The following CTNNA3 variants were observed in gnomAD, a reference collection of about 807,000 sequenced individuals.
The protein encoded by CTNNA3 is catenin alpha-3.
In CTNNA3, 76 loss-of-function variants were observed where a neutral mutation model predicts 95.7. The observed-to-expected ratio is 0.79, with a 90% confidence interval of 0.66 to 0.96. CTNNA3 has a LOEUF of 0.96. CTNNA3 is among the 40% of genes least tolerant of loss of function. CTNNA3 has a pLI of 0.00. For synonymous variants in CTNNA3, 431 were observed against 374.4 expected, an observed-to-expected ratio of 1.15 and a Z score of -1.74; for missense variants, 1,191 against 1,089.8, an observed-to-expected ratio of 1.09 and a Z score of -1.31.
intron 9 of CTNNA3, among the ~76,000 whole-genome samples, chr10:66,635,628 A>G (rs1390024391): frequency 6.6e-6 from 1 of 152,158 alleles, no homozygotes; most frequent in African/African-American, 2.4e-5. Flanking sequence ...AAGGTGTTGC[A>G]TAGGACAAAG....
intron 5 of CTNNA3, among the ~76,000 whole-genome samples, chr10:67,485,942 C>G (rs905367945): frequency 1.1e-4 from 17 of 152,132 alleles, no homozygotes; most frequent in Non-Finnish European, 1.9e-4. Context: ...CATATTTTCC[C>G]TACAGGGATA....
chr10:66,268,839 T>C (rs1414338120), intron 13 of CTNNA3, among the ~76,000 whole-genome samples: 1 of 152,194 alleles, frequency 6.6e-6, no homozygotes, highest in Non-Finnish European at 1.5e-5. Flanking sequence ...CTCTCTCCCA[T>C]TTCTGCAGTG....
chr10:67,526,687 G>A (rs1455335604), intron 4 of CTNNA3, among the ~76,000 whole-genome samples: 1 of 152,122 alleles, frequency 6.6e-6, no homozygotes, highest in African/African-American at 2.4e-5. Flanking sequence ...GTAAGAAACA[G>A]AGGAAAACAA....
intron 7 of CTNNA3, among the ~76,000 whole-genome samples, chr10:67,132,029 T>C (rs916526568): frequency 3.9e-5 from 6 of 152,118 alleles, no homozygotes; most frequent in Admixed American, 3.3e-4. Context: ...TAGGATGGTA[T>C]TTGCAGTATT....
chr10:67,605,741 T>C (rs997743997), intron 3 of CTNNA3, among the ~76,000 whole-genome samples: 2 of 151,794 alleles, frequency 1.3e-5, no homozygotes, highest in African/African-American at 4.8e-5. Flanking sequence ...TACAATGGTG[T>C]GATCTCGGCT....
intron 1 of CTNNA3, among the ~76,000 whole-genome samples, chr10:67,657,847 CAAAAAAAAAAA>C (rs200763142): frequency 1.5e-4 from 6 of 40,420 alleles, no homozygotes; most frequent in East Asian, 8.4e-4. Context: ...AATTCCATCT[CAAAAAAAAAAA>C]AAAAAAAAAA....
At chr10:66,660,577 G>C (rs1019841515) in intron 9 of CTNNA3, among the ~76,000 whole-genome samples, 2 of 152,162 alleles carry the variant, frequency 1.3e-5, no homozygotes, top group African/African-American at 4.8e-5. Context: ...TGATAAGAAA[G>C]TATGAATGCA....
chr10:67,506,508 C>G (rs1421584009), intron 5 of CTNNA3, among the ~76,000 whole-genome samples: 2 of 152,138 alleles, frequency 1.3e-5, no homozygotes, highest in African/African-American at 4.8e-5. Flanking sequence ...GTAATCAGCC[C>G]CTAACAAACA....
intron 7 of CTNNA3, among the ~76,000 whole-genome samples, chr10:67,168,596 A>C (rs1433210519): frequency 3.3e-5 from 5 of 152,216 alleles, no homozygotes; most frequent in Non-Finnish European, 7.3e-5. Flanking sequence ...TCATGTTAAA[A>C]ACTTCTAATA....
intron 3 of CTNNA3, among the ~76,000 whole-genome samples, chr10:67,567,721 T>C (rs1001044301): frequency 2.0e-5 from 3 of 152,072 alleles, no homozygotes; most frequent in Non-Finnish European, 4.4e-5. Flanking sequence ...TGTTCATGTA[T>C]GTTTACTGGG....
At chr10:66,464,095 C>A (rs768200506) in intron 11 of CTNNA3, among the ~76,000 whole-genome samples, 1 of 151,836 alleles carries the variant, frequency 6.6e-6, no homozygotes, top group African/African-American at 2.4e-5. Flanking sequence ...CCAAGAGTTA[C>A]GGGAAAGGGA....
intron 14 of CTNNA3, among the ~76,000 whole-genome samples, chr10:66,088,697 A>G (rs774655243): frequency 1.3e-5 from 2 of 152,058 alleles, no homozygotes; most frequent in Non-Finnish European, 2.9e-5. Flanking sequence ...TTGAGTATCA[A>G]TTTTCCATAA....
intron 11 of CTNNA3, among the ~76,000 whole-genome samples, chr10:66,500,830 G>A (rs1840255060): frequency 6.6e-6 from 1 of 152,100 alleles, no homozygotes; most frequent in Non-Finnish European, 1.5e-5. Flanking sequence ...AAATTATAAG[G>A]TTATGGGGGA....
At chr10:66,046,887 G>A (rs2079839814) in intron 15 of CTNNA3, among the ~76,000 whole-genome samples, 3 of 151,864 alleles carry the variant, frequency 2.0e-5, no homozygotes, top group South Asian at 4.2e-4. Flanking sequence ...AGAAGAGATG[G>A]GTAAATTCTT....
chr10:66,527,223 T>C (rs1031014631), intron 10 of CTNNA3, among the ~76,000 whole-genome samples: 1 of 152,188 alleles, frequency 6.6e-6, no homozygotes, highest in African/African-American at 2.4e-5. Flanking sequence ...AAAAATCATT[T>C]GACTGTAAAT....
intron 7 of CTNNA3, among the ~76,000 whole-genome samples, chr10:67,141,076 C>T (rs1018286369): frequency 2.0e-5 from 3 of 152,148 alleles, no homozygotes; most frequent in African/African-American, 4.8e-5. Flanking sequence ...AGGACATCAC[C>T]TCAATGTAGA....
intron 9 of CTNNA3, among the ~76,000 whole-genome samples, chr10:66,649,832 C>G (rs1845833994): frequency 6.6e-6 from 1 of 152,190 alleles, no homozygotes; most frequent in African/African-American, 2.4e-5. Context: ...ATAAGCCTGA[C>G]CCAGGACCAG....
chr10:66,415,666 G>A (rs2093140345), intron 11 of CTNNA3, among the ~76,000 whole-genome samples: 1 of 152,074 alleles, frequency 6.6e-6, no homozygotes, highest in East Asian at 1.9e-4. Context: ...TGAGTCCCAA[G>A]CAAAACTGCA....
intron 7 of CTNNA3, among the ~76,000 whole-genome samples, chr10:67,078,965 T>C (rs1309003026): frequency 5.9e-5 from 9 of 152,238 alleles, no homozygotes; most frequent in Non-Finnish European, 4.4e-5. Context: ...CTTAGAACAC[T>C]GGCATAATTT....
Sources: gnomAD v4.1 joint callset for allele counts (sites outside exome capture counted in the v4.1 genomes callset) on GRCh38, gnomAD v4.1.1 for gene constraint, MANE v1.5 for transcripts, NCBI Gene and HGNC (gene_info 2026-07-23, HGNC 2026-07-21) for gene names.